CELF4: variants seen among roughly 807,000 people sequenced by gnomAD.
CELF4 encodes CUGBP Elav-like family member 4, also known as CUG-BP- and ETR-3-like factor 4.
In CELF4, 18 loss-of-function variants were observed where a neutral mutation model predicts 59.9. The observed-to-expected ratio is 0.30, with a 90% CI of 0.21 to 0.45. The LOEUF (loss-of-function observed/expected upper bound fraction) is 0.45. Among genes scored for constraint, CELF4 ranks in the 20% least tolerant of loss-of-function variants. The probability of loss-of-function intolerance (pLI) is 1.00; values close to 1 mark genes in which losing one functional copy is unlikely to be tolerated. For synonymous variants in CELF4, 261 were observed against 267.1 expected, an observed-to-expected ratio of 0.98 and a Z score of 0.22; for missense variants, 456 against 689.0, an observed-to-expected ratio of 0.66 and a Z score of 3.79.
chr18:37,434,226 G>A (rs1569569400), intron 2 of CELF4, among the ~76,000 whole-genome samples: 1 of 152,240 alleles, frequency 6.6e-6, no homozygotes, highest in Non-Finnish European at 1.5e-5. Context: ...GGCCCTACAC[G>A]ATTAGCTGCC....
chr18:37,335,090 G>A (rs564274123), intron 2 of CELF4, among the ~76,000 whole-genome samples: 104 of 142,000 alleles, frequency 7.3e-4, no homozygotes, highest in African/African-American at 2.4e-3. Flanking sequence ...GCTCGTCCAA[G>A]TCTCTTTTCC....
chr18:37,393,915 G>GAA (rs67571579), intron 2 of CELF4, among the ~76,000 whole-genome samples: 224 of 141,858 alleles, frequency 1.6e-3, no homozygotes, highest in Middle Eastern at 0.011. Flanking sequence ...AAGGCTAAGG[G>GAA]AAAAAAAAAA....
intron 2 of CELF4, among the ~76,000 whole-genome samples, chr18:37,353,249 T>TATATATATATATAC (rs1473946530): frequency 2.0e-5 from 3 of 146,674 alleles, no homozygotes; most frequent in Non-Finnish European, 4.5e-5. Context: ...TATATATATA[T>TATATATATATATAC]ACATAAAAGA....
intron 2 of CELF4, among the ~76,000 whole-genome samples, chr18:37,456,170 CAA>C (rs1371850895): frequency 6.6e-6 from 1 of 152,206 alleles, no homozygotes; most frequent in African/African-American, 2.4e-5. Context: ...TTCTCCCCAT[CAA>C]GTTATCCCTG....
At chr18:37,271,026 T>C (rs1439001490) in intron 7 of CELF4, 109 bp from the exon 8 acceptor site, 1 of 956,586 alleles carries the variant, frequency 1.0e-6, no homozygotes, top group Non-Finnish European at 1.5e-6. Flanking sequence ...GACCTGCGGA[T>C]AGACTTGGAC....
intron 2 of CELF4, among the ~76,000 whole-genome samples, chr18:37,444,590 GCTCT>G (rs892764323): frequency 3.7e-5 from 5 of 136,310 alleles, no homozygotes; most frequent in Admixed American, 1.5e-4. Flanking sequence ...AGAGAAACAT[GCTCT>G]CTCTCTCTCT....
At chr18:37,514,396 T>C (rs1042451108) in intron 1 of CELF4, among the ~76,000 whole-genome samples, 1 of 152,220 alleles carries the variant, frequency 6.6e-6, no homozygotes, top group Admixed American at 6.5e-5. Flanking sequence ...CTTCATAGTA[T>C]GGCACATCAC....
chr18:37,269,741 A>C (rs1402585835), intron 8 of CELF4, among the ~76,000 whole-genome samples: 1 of 152,194 alleles, frequency 6.6e-6, no homozygotes, highest in African/African-American at 2.4e-5. Context: ...AGAACTGTCC[A>C]TTCATTGGGA....
intron 3 of CELF4, among the ~76,000 whole-genome samples, chr18:37,290,851 C>T (rs767643646): frequency 3.3e-5 from 5 of 152,206 alleles, no homozygotes; most frequent in African/African-American, 1.2e-4. Flanking sequence ...CTGTCTTTCT[C>T]CATCAGCCTT....
At chr18:37,535,419 G>C (rs962325599) in intron 1 of CELF4, among the ~76,000 whole-genome samples, 2 of 152,108 alleles carry the variant, frequency 1.3e-5, no homozygotes, top group Non-Finnish European at 2.9e-5. Flanking sequence ...AGTGGCCCAG[G>C]GATCCGAAGT....
At chr18:37,257,909 G>C (rs2071095905) in intron 11 of CELF4, among the ~76,000 whole-genome samples, 1 of 152,190 alleles carries the variant, frequency 6.6e-6, no homozygotes, top group Admixed American at 6.5e-5. Flanking sequence ...AGGAGGAGTG[G>C]AGGAGAAAGG....
chr18:37,309,681 G>T (rs531748666), intron 3 of CELF4, among the ~76,000 whole-genome samples: 1 of 152,042 alleles, frequency 6.6e-6, no homozygotes, highest in African/African-American at 2.4e-5. Context: ...GATACTATGC[G>T]CGTGTGCACG....
At chr18:37,489,555 C>T (rs1387540636) in intron 1 of CELF4, among the ~76,000 whole-genome samples, 1 of 152,050 alleles carries the variant, frequency 6.6e-6, no homozygotes, top group Non-Finnish European at 1.5e-5. Context: ...ATTTCCACAT[C>T]TCACAGGGGT....
At chr18:37,473,213 A>C in intron 2 of CELF4, 1 of 152,116 alleles carries the variant, frequency 6.6e-6, no homozygotes, top group African/African-American at 2.4e-5. Context: ...GAGCACCCCT[A>C]CCTCACCCCA....
intron 1 of CELF4, among the ~76,000 whole-genome samples, chr18:37,500,888 C>G (rs1263111025): frequency 1.3e-5 from 2 of 152,200 alleles, no homozygotes; most frequent in Non-Finnish European, 2.9e-5. Flanking sequence ...CCCAGCCCCA[C>G]TGGGGAGGCT....
intron 2 of CELF4, among the ~76,000 whole-genome samples, chr18:37,409,237 C>T (rs1048152881): frequency 6.6e-6 from 1 of 152,214 alleles, no homozygotes; most frequent in Non-Finnish European, 1.5e-5. Flanking sequence ...GGGTTTGGTG[C>T]CTCTTGCCCT....
intron 2 of CELF4, among the ~76,000 whole-genome samples, chr18:37,363,173 C>T (rs2098732073): frequency 6.6e-6 from 1 of 152,066 alleles, no homozygotes; most frequent in South Asian, 2.1e-4. Flanking sequence ...GTCTTGGGGG[C>T]TGTGTGGGGA....
At chr18:37,481,601 T>C (rs1467880526) in intron 2 of CELF4, among the ~76,000 whole-genome samples, 2 of 152,180 alleles carry the variant, frequency 1.3e-5, no homozygotes, top group Middle Eastern at 3.2e-3. Context: ...AGGCCCCAGG[T>C]GGTTCTCAGA....
chr18:37,541,524 C>T (rs1276920606), intron 1 of CELF4, among the ~76,000 whole-genome samples: 3 of 152,194 alleles, frequency 2.0e-5, no homozygotes, highest in Non-Finnish European at 2.9e-5. Context: ...GCTGGCTCCA[C>T]ACAGCAGCCG....
Sources: gnomAD v4.1 joint callset for allele counts (sites outside exome capture counted in the v4.1 genomes callset) on GRCh38, gnomAD v4.1.1 for gene constraint, MANE v1.5 for transcripts, NCBI Gene and HGNC (gene_info 2026-07-23, HGNC 2026-07-21) for gene names.